POU2F1: variants seen among roughly 807,000 people sequenced by gnomAD.
POU2F1 encodes POU class 2 homeobox 1.
Under a neutral mutation model 84.9 loss-of-function variants are expected in POU2F1, and 16 were observed. The observed-to-expected ratio is 0.19, with a 90% CI of 0.13 to 0.29. POU2F1 has a LOEUF of 0.29. POU2F1 is among the 10% of genes least tolerant of loss of function. POU2F1 has a pLI of 1.00. For synonymous variants in POU2F1, 368 were observed against 368.3 expected (o/e 1.00, Z 0.01); for missense variants, 738 against 942.6 (o/e 0.78, Z 2.84).
chr1:167,237,146 T>TAGGGTTA (rs989103605), intron 1 of POU2F1, among the ~76,000 whole-genome samples: 10 of 152,166 alleles, frequency 6.6e-5, no homozygotes, highest in Non-Finnish European at 1.5e-5. Flanking sequence ...ACTTGTGAAC[T>TAGGGTTA]AGGGTTAACA....
chr1:167,384,828 T>TTATACTCAAGGTGCCAGTAATG (rs1286069322), intron 8 of POU2F1, among the ~76,000 whole-genome samples: 2 of 152,102 alleles, frequency 1.3e-5, no homozygotes, highest in Non-Finnish European at 1.5e-5. Flanking sequence ...TTATTCCACA[T>TTATACTCAAGGTGCCAGTAATG]TATACTCAAG....
At chr1:167,311,061 T>TA in intron 1 of POU2F1, among the ~76,000 whole-genome samples, 1 of 152,288 alleles carries the variant, frequency 6.6e-6, no homozygotes, top group East Asian at 1.9e-4. Context: ...GGCTGAAAAG[T>TA]ACTTTCAGAA....
chr1:167,415,671 C>G lies in POU2F1; in HGVS notation c.2162C>G (p.Ala721Gly). ...NPVSLVSAAA[A>G]SAGNSAPVAS... ...GTTAGCTTGGTCTCTGCCGCCGCAG[C>G]ATCTGCAGGGAACTCTGCACCTGTA... Residue 721 changes from alanine (A) to glycine (G), a missense_variant, in exon 16 of 16, where the codon GCA becomes GGA. Around this residue, in one of 4 missense-constraint regions of POU2F1, gnomAD observed 319 missense variants for 386.0 expected, o/e 0.83. Coordinates refer to ENST00000367866, the MANE Select transcript of POU2F1 (RefSeq NM_002697.4). 1 of 1,614,206 alleles carries G rather than the reference C, an allele frequency of 6.2e-7. No homozygotes were observed. The highest frequency in any genetic ancestry group is 8.5e-7 in the Non-Finnish European group (1 of 1,180,036).
At chr1:167,414,119 TTAATTAC>T (rs1650151830) in intron 15 of POU2F1, among the ~76,000 whole-genome samples, 1 of 152,212 alleles carries the variant, frequency 6.6e-6, no homozygotes, top group South Asian at 2.1e-4. Flanking sequence ...CTAGAGAATG[TTAATTAC>T]AGACAAAACC....
chr1:167,410,030 C>T (rs1365558271), intron 13 of POU2F1, among the ~76,000 whole-genome samples: 7 of 152,172 alleles, frequency 4.6e-5, no homozygotes, highest in African/African-American at 1.7e-4. Flanking sequence ...CCCTACACAG[C>T]ATCCAGTGTT....
rs1197925522 is a variant in POU2F1 at position 167,415,438 on chromosome 1, G to A, written c.1991-62G>A. The A allele has an allele frequency of 2.0e-6, 3 of 1,522,564 alleles. No individual in the cohort carries two copies. In the African/African-American group the frequency reaches 4.1e-5, roughly 21 times the overall value. The allele number at this position is 1,522,564 out of a possible 1,614,324, so 94.3% of individuals were successfully genotyped here. ...TGATAGACTTTTGATGTGTTATTTGGCTTCTCCAGGATGATGTTAATGTTT... is the reference window on the plus strand; with the variant it reads ...TGATAGACTTTTGATGTGTTATTTGACTTCTCCAGGATGATGTTAATGTTT... On this transcript the variant is annotated intron_variant, in intron 15 of 15. Transcript: ENST00000367866.
At chr1:167,292,735 A>G (rs930027363) in intron 1 of POU2F1, among the ~76,000 whole-genome samples, 3 of 152,270 alleles carry the variant, frequency 2.0e-5, no homozygotes, top group African/African-American at 7.2e-5. Flanking sequence ...TCCCTGATGA[A>G]CATAGATTCA....
At chr1:167,355,557 T>C (rs2101800261) in intron 2 of POU2F1, among the ~76,000 whole-genome samples, 1 of 152,364 alleles carries the variant, frequency 6.6e-6, no homozygotes, top group Non-Finnish European at 1.5e-5. Flanking sequence ...GAAAATAATT[T>C]ATTGAGATTT....
At chr1:167,274,704 AG>A (rs756691005) in intron 1 of POU2F1, among the ~76,000 whole-genome samples, 5 of 152,272 alleles carry the variant, frequency 3.3e-5, no homozygotes, top group East Asian at 1.9e-4. Flanking sequence ...TGTTTCCGAA[AG>A]GGTTGGGAGT....
chr1:167,396,563 C>T, intron 10 of POU2F1, 136 bp downstream of exon 10: 1 of 812,952 alleles, frequency 1.2e-6, no homozygotes, highest in East Asian at 2.6e-5. Flanking sequence ...CTGGGAGGAT[C>T]ATTATAAATT....
intron 1 of POU2F1, among the ~76,000 whole-genome samples, chr1:167,259,373 C>T (rs1651380784): frequency 6.6e-6 from 1 of 152,172 alleles, no homozygotes. Flanking sequence ...GGAGTAACTG[C>T]AACCAGTTTA....
Position 167,342,785 on chromosome 1 carries a change from T to G in POU2F1, c.127+10250T>G, listed in dbSNP as rs557465179. Among the ~76,000 whole-genome samples, 196 of 152,352 alleles carry G rather than the reference T, an allele frequency of 1.3e-3. 1 individual carries two copies. The highest frequency in any genetic ancestry group is 4.5e-3 in the African/African-American group (186 of 41,600). On this transcript the variant is annotated intron_variant, in intron 2 of 15. Transcript: ENST00000367866. The stretch of plus-strand genomic sequence containing the variant: ...ATTTTTAATATTCTTACTGCTTTTA[T>G]TATTATTTTAAAATTTATTACATAT...
intron 1 of POU2F1, among the ~76,000 whole-genome samples, chr1:167,244,381 G>A (rs1007247439): frequency 6.6e-6 from 1 of 152,142 alleles, no homozygotes; most frequent in Admixed American, 6.5e-5. Context: ...TGGTCGAACC[G>A]AGGACCCTGG....
chr1:167,374,194 C>T lies in POU2F1; in HGVS notation c.489C>T (p.His163=), dbSNP rs773240146. ...TGCTGGCTGCTGCAGTGCAGCAGCA[C>T]TCCGCCAGCCAGCAGCACAGTGCTG... The part of the protein sequence containing the change: ...AQLLAAAVQQ[H]SASQQHSAAG... Residue 163 remains histidine, a synonymous_variant, in exon 6 of 16, where the codon CAC becomes CAT. Transcript: ENST00000367866. 7 of 1,612,764 alleles carry T rather than the reference C, an allele frequency of 4.3e-6. No individual in the cohort carries two copies. Among genetic ancestry groups the T allele is most frequent in the Non-Finnish European group, 5.9e-6 (7 of 1,179,664 alleles).
chr1:167,412,418 G>T (rs1650031798), intron 14 of POU2F1, 114 bp downstream of exon 14: 1 of 974,026 alleles, frequency 1.0e-6, no homozygotes, highest in Non-Finnish European at 1.5e-6. Flanking sequence ...CTTTAAAGCA[G>T]TAATCTCTTT....
At chr1:167,265,827 C>T (rs1651908196) in intron 1 of POU2F1, among the ~76,000 whole-genome samples, 1 of 152,168 alleles carries the variant, frequency 6.6e-6, no homozygotes, top group Admixed American at 6.5e-5. Flanking sequence ...AGTCAGTCTC[C>T]TCCCCTCTCT....
At chr1:167,356,142 G>A (rs1311960174) in intron 2 of POU2F1, among the ~76,000 whole-genome samples, 11 of 149,836 alleles carry the variant, frequency 7.3e-5, no homozygotes, top group Non-Finnish European at 1.5e-4. Context: ...GTCCCACCAC[G>A]CCTAGCTAAT....
rs746536206 is a variant in POU2F1 at position 167,398,139 on chromosome 1, T to A, written c.1269+6T>A. On this transcript the variant is annotated splice_donor_region_variant and intron_variant, in intron 11 of 15. Transcript: ENST00000367866. ...TAGAGAAGAGTTTCTTGGAGGTCAG[T>A]GAGGATTTTACTTTTCTGTACATGG... is the stretch of plus-strand genomic sequence containing the variant. 6.2e-7 allele frequency: 1 copy of A among 1,613,184 alleles called. No individual in the cohort carries two copies. The highest frequency in any genetic ancestry group is 1.7e-5 in the Admixed American group (1 of 59,828).
intron 8 of POU2F1, among the ~76,000 whole-genome samples, chr1:167,386,352 G>C (rs1647979529): frequency 1.3e-5 from 2 of 152,088 alleles, no homozygotes; most frequent in African/African-American, 2.4e-5. Context: ...GCATCACCAT[G>C]CCCAGCTATT....
Sources: allele counts gnomAD v4.1 joint callset (sites outside exome capture counted in the v4.1 genomes callset), GRCh38; gene constraint gnomAD v4.1.1; regional missense constraint gnomAD v4.1.1; transcripts MANE v1.5; gene names NCBI Gene and HGNC (gene_info 2026-07-23, HGNC 2026-07-21).